DPF1: variants seen among roughly 807,000 people sequenced by gnomAD.
DPF1 encodes the protein double PHD fingers 1.
In DPF1, 14 loss-of-function variants were observed where a neutral mutation model predicts 58.7. That is an observed-to-expected ratio of 0.24 (90% CI 0.16 to 0.37). The LOEUF is 0.37. DPF1 is among the 10% of genes least tolerant of loss of function. The probability of loss-of-function intolerance (pLI) is 1.00; values close to 1 mark genes in which losing one functional copy is unlikely to be tolerated. For synonymous variants in DPF1, 216 were observed against 216.0 expected (o/e 1.00, Z 0.00); for missense variants, 345 against 529.9 (o/e 0.65, Z 3.43).
At chr19:38,215,096 G>A (rs1398602740) in intron 9 of DPF1, among the ~76,000 whole-genome samples, 1 of 151,228 alleles carries the variant, frequency 6.6e-6, no homozygotes, top group African/African-American at 2.4e-5. Context: ...GCCTCCCAAA[G>A]TGCTGGGATT....
At position 38,211,971 on chromosome 19, in the gene DPF1, C is replaced by A; in HGVS notation, c.*92G>T. 3 of 1,435,412 alleles carry A rather than the reference C, an allele frequency of 2.1e-6. No individual in the cohort carries two copies. The highest frequency in any genetic ancestry group is 2.0e-5 in the Admixed American group (1 of 50,046). 88.9% of individuals were successfully genotyped at this position (1,435,412 alleles called of 1,614,324 possible). ...TCTCGGCTTCCCCCTCTCCCCCTCC[C>A]CCTGCGGGATGTTCAGGGTGGGGGA... is the stretch of plus-strand genomic sequence containing the variant. On this transcript the variant is annotated 3_prime_UTR_variant, in exon 12 of 12. Coordinates refer to ENST00000355526, the MANE Select transcript of DPF1 (RefSeq NM_001135155.3). This position sits in a 1 kb window ranked among gnomAD's most constrained non-coding sequence, Gnocchi z 4.0.
At chr19:38,219,286 G>GA (rs1967272409) in intron 3 of DPF1, 1 of 576,814 alleles carries the variant, frequency 1.7e-6, no homozygotes, top group Non-Finnish European at 3.0e-6. Context: ...GGATACACCA[G>GA]AAAGCCTCAG....
upstream of DPF1, among the ~76,000 whole-genome samples, chr19:38,226,739 C>A (rs1458690678): frequency 6.6e-6 from 1 of 151,968 alleles, no homozygotes; most frequent in Non-Finnish European, 1.5e-5. Flanking sequence ...TCACACCTTA[C>A]CCACGGTGAG....
Position 38,224,094 on chromosome 19 carries a change from C to A in DPF1, c.29+20G>T. 3 of 1,501,748 alleles carry A rather than the reference C, an allele frequency of 2.0e-6. No individual in the cohort carries two copies. The highest frequency in any genetic ancestry group is 2.6e-6 in the Non-Finnish European group (3 of 1,137,244). 93.0% of individuals were successfully genotyped at this position (1,501,748 alleles called of 1,614,324 possible). ...AGACCCGCCCGCGCTTCCTCTCCGC[C>A]TCCCGCCGGCCCGCACCACCTCAGG... On this transcript the variant is annotated intron_variant, in intron 1 of 11. Coordinates refer to ENST00000355526, the MANE Select transcript of DPF1 (RefSeq NM_001135155.3). The surrounding 1 kb of genome is among the most constrained non-coding windows in gnomAD (Gnocchi z 4.5).
At chr19:38,220,594 C>T (rs913818680) in intron 3 of DPF1, among the ~76,000 whole-genome samples, 3 of 145,038 alleles carry the variant, frequency 2.1e-5, no homozygotes, top group Non-Finnish European at 4.5e-5. Context: ...CCAGCCTGGG[C>T]GACAGAGCAA....
chr19:38,225,049 G>A (rs993988917), upstream of DPF1, among the ~76,000 whole-genome samples: 1 of 152,290 alleles, frequency 6.6e-6, no homozygotes, highest in Non-Finnish European at 1.5e-5. Flanking sequence ...ATGGGAGTTC[G>A]AGACCAGCCT....
upstream of DPF1, chr19:38,224,236 G>A (rs778660969): frequency 1.6e-6 from 2 of 1,278,032 alleles, no homozygotes; most frequent in Non-Finnish European, 2.0e-6. This position sits in a 1 kb window ranked among gnomAD's most constrained non-coding sequence, Gnocchi z 4.5. Flanking sequence ...ATTCATTCCC[G>A]GGGGGCGGGA....
intron 5 of DPF1, among the ~76,000 whole-genome samples, chr19:38,218,322 C>T (rs757077741): frequency 2.6e-5 from 4 of 152,248 alleles, no homozygotes; most frequent in Non-Finnish European, 5.9e-5. Context: ...GCTTCTTCCT[C>T]TGTGGCATGG....
At position 38,224,185 on chromosome 19, in the gene DPF1, G is replaced by C. The variant is rs752151714; in HGVS notation, c.-43C>G. On this transcript the variant is annotated 5_prime_UTR_variant, in exon 1 of 12. Coordinates refer to ENST00000355526, the MANE Select transcript of DPF1 (RefSeq NM_001135155.3). The surrounding 1 kb of genome is among the most constrained non-coding windows in gnomAD (Gnocchi z 4.5). ...GCCCCCAGCAGGTCCCCGCCGGGTC[G>C]GTCCTCCCAGCGGTCGGGCGGGCGC... 8.5e-6 allele frequency: 12 copies of C among 1,418,196 alleles called. No homozygotes were observed. Among genetic ancestry groups the C allele is most frequent in the East Asian group, 2.8e-5 (1 of 35,478 alleles). The allele number at this position is 1,418,196 out of a possible 1,614,324, so 87.9% of individuals were successfully genotyped here. A position where few individuals can be genotyped will look rare whatever the true frequency, so the allele number is the denominator to read the frequency against.
At chr19:38,216,452 C>T (rs1967026962) in intron 7 of DPF1, 49 bp from the exon 8 acceptor site, 1 of 1,518,652 alleles carries the variant, frequency 6.6e-7, no homozygotes, top group Non-Finnish European at 8.8e-7. Flanking sequence ...GGCAAGGCTC[C>T]ACCCTGCCCC....
chr19:38,216,333 G>A lies in DPF1; in HGVS notation c.778+20C>T, dbSNP rs746691171. ...GCAAAGGTGGCTGCAGACTTTAGGA[G>A]CAGAAGGAGGCATCCGTACCTGTGT... On this transcript the variant is annotated intron_variant, in intron 8 of 11. Coordinates refer to ENST00000355526, the MANE Select transcript of DPF1 (RefSeq NM_001135155.3). 1.9e-6 allele frequency: 3 copies of A among 1,604,652 alleles called. No individual in the cohort carries two copies. Among genetic ancestry groups the A allele is most frequent in the East Asian group, 2.2e-5 (1 of 44,722 alleles).
upstream of DPF1, among the ~76,000 whole-genome samples, chr19:38,229,138 G>A (rs2146238722): frequency 1.3e-5 from 2 of 152,156 alleles, 1 homozygote; most frequent in South Asian, 4.2e-4. This position sits in a 1 kb window ranked among gnomAD's most constrained non-coding sequence, Gnocchi z 5.3. Context: ...AAGGCGCTTT[G>A]ATGAGCGGAG....
At chr19:38,220,207 GAAAAGA>G (rs1967346234) in intron 3 of DPF1, among the ~76,000 whole-genome samples, 1 of 130,188 alleles carries the variant, frequency 7.7e-6, no homozygotes, top group African/African-American at 2.9e-5. Flanking sequence ...AGGAGGGAAA[GAAAAGA>G]AAAAGAAAGA....
rs1973649383 is a variant in DPF1, at chr19:38,213,841, C to T, written c.899-85G>A. The T allele has an allele frequency of 2.5e-6, 3 of 1,178,000 alleles. No homozygotes were observed. The South Asian group carries it at 4.1e-5, about 16-fold the overall frequency. The allele number at this position is 1,178,000 out of a possible 1,614,324, so 73.0% of individuals were successfully genotyped here. On this transcript the variant is annotated intron_variant, in intron 9 of 11. Transcript: ENST00000355526. ...CCGGCAGGGGAGCCATAGCTCAGCC[C>T]CTACCCCTGGCTCATGACGCCAGGA...
chr19:38,213,552 A>T, intron 10 of DPF1, 92 bp downstream of exon 10: 1 of 1,075,480 alleles, frequency 9.3e-7, no homozygotes, highest in Non-Finnish European at 1.4e-6. Flanking sequence ...TCACCAGGGA[A>T]GGCTCAGGCA....
rs762546530 is a variant in DPF1 at position 38,222,549 on chromosome 19, C to T, written c.189G>A (p.Pro63=). The T allele has an allele frequency of 2.5e-6, 4 of 1,606,260 alleles. No homozygotes were observed. The highest frequency in any genetic ancestry group is 3.4e-6 in the Non-Finnish European group (4 of 1,176,828). The change falls in exon 2 of 12, where the codon CCG becomes CCA. Residue 63 remains proline, a splice_region_variant and synonymous_variant. Transcript: ENST00000355526. The surrounding 1 kb of genome is among the most constrained non-coding windows in gnomAD (Gnocchi z 4.9). ...CTGCGCCAGCCCTCCCGGCGGTACC[C>T]GGCCCGCGGTGGGTCTTCTCCATCC... The part of the protein sequence containing the change: ...YIWMEKTHRG[P]GLAPGQIYTY...
intron 10 of DPF1, among the ~76,000 whole-genome samples, chr19:38,212,690 C>T (rs1232880163): frequency 6.6e-6 from 1 of 151,494 alleles, no homozygotes; most frequent in East Asian, 1.9e-4. Flanking sequence ...CAGCTCACTG[C>T]AGCCTCACAC....
At chr19:38,217,620 G>C in intron 6 of DPF1, 29 bp from the exon 7 acceptor site, 1 of 1,536,676 alleles carries the variant, frequency 6.5e-7, no homozygotes, top group Non-Finnish European at 8.8e-7. Flanking sequence ...AGGAGGGCCT[G>C]TCAGCCCCTC....
chr19:38,228,323 C>T (rs1405340940), upstream of DPF1, among the ~76,000 whole-genome samples: 1 of 151,702 alleles, frequency 6.6e-6, no homozygotes, highest in African/African-American at 2.4e-5. Flanking sequence ...CAACTGGCGG[C>T]CTCTGGTCCA....
Sources: gnomAD v4.1 joint callset for allele counts (sites outside exome capture counted in the v4.1 genomes callset) on GRCh38, gnomAD v4.1.1 for gene constraint, Gnocchi (gnomAD v3.1) non-coding constraint, MANE v1.5 for transcripts, NCBI Gene and HGNC (gene_info 2026-07-23, HGNC 2026-07-21) for gene names.